The following UBA1 variants were observed in gnomAD, a reference collection of about 807,000 sequenced individuals.
UBA1 encodes ubiquitin like modifier activating enzyme 1.
In UBA1, 4 loss-of-function variants were observed where a neutral mutation model predicts 84.7. That is an observed-to-expected ratio of 0.05 (90% CI 0.02 to 0.11). The LOEUF is 0.11. UBA1 is among the 10% of genes least tolerant of loss of function. The pLI is 1.00. For synonymous variants in UBA1, 364 were observed against 362.6 expected (o/e 1.00, Z -0.04); for missense variants, 513 against 902.8 (o/e 0.57, Z 5.53).
rs781926093 is a variant in UBA1, at chrX:47,202,571, C to G, written c.1056+67C>G. 15 of 1,204,518 alleles carry G rather than the reference C, an allele frequency of 1.2e-5. No homozygotes were observed. In the African/African-American group the frequency reaches 2.1e-4, roughly 17 times the overall value. ...ACTGCAGGCTCACCATGCCTCTCTGCGTGTCCACACTCCCTGCCCTCACTG... is the reference window on the plus strand; with the variant it reads ...ACTGCAGGCTCACCATGCCTCTCTGGGTGTCCACACTCCCTGCCCTCACTG... On this transcript the variant is annotated intron_variant, in intron 10 of 25. Coordinates refer to ENST00000335972, the MANE Select transcript of UBA1 (RefSeq NM_003334.4).
intron 1 of UBA1, chrX:47,197,656 G>C (rs1556785904): frequency 6.7e-6 from 5 of 743,876 alleles, no homozygotes; most frequent in Non-Finnish European, 7.9e-6. Flanking sequence ...CCTAGCAGGT[G>C]ACCCTGGGCA....
intron 1 of UBA1, chrX:47,197,521 G>T: frequency 1.3e-6 from 1 of 754,579 alleles, no homozygotes; most frequent in Non-Finnish European, 1.6e-6. Flanking sequence ...AAGACTCAGT[G>T]CCTAGAGGAG....
At chrX:47,209,074 G>C (rs920301236) in intron 16 of UBA1, 2 of 135,726 alleles carry the variant, frequency 1.5e-5, no homozygotes, top group East Asian at 4.4e-4. Context: ...TCGGGTGACA[G>C]TGTGAGACTT....
At position 47,201,310 on chromosome X, in the gene UBA1, C is replaced by T; in HGVS notation, c.622C>T (p.Leu208Phe). The T allele has an allele frequency of 8.3e-7, 1 of 1,209,458 alleles. No homozygotes were observed. The highest frequency in any genetic ancestry group is 1.8e-5 in the South Asian group (1 of 56,359). The change falls in exon 7 of 26, where the codon CTC (leucine) becomes TTC (phenylalanine). Residue 208 changes from leucine (L) to phenylalanine (F), a missense_variant. By Grantham distance (22) the Leu-to-Phe change is conservative. Coordinates refer to ENST00000335972, the MANE Select transcript of UBA1 (RefSeq NM_003334.4). ...LFCDFGEEMI[L>F]TDSNGEQPLS... is the part of the protein sequence containing the mutation. The stretch of plus-strand genomic sequence containing the variant: ...CTGTGACTTTGGAGAGGAAATGATC[C>T]TCACAGATTCCAATGGGGAGCAGCC...
At position 47,213,091 on chromosome X, in the gene UBA1, C is replaced by A. The variant is rs1936994742; in HGVS notation, c.2748C>A (p.His916Gln). The A allele has an allele frequency of 8.3e-7, 1 of 1,212,022 alleles. No individual in the cohort carries two copies. Among genetic ancestry groups the A allele is most frequent in the East Asian group, 3.0e-5 (1 of 33,867 alleles). ...AGCTGTACAAGGTTGTGCAGGGGCACCGACAGCTTGACTCCTACAAGAATG... is the reference window on the plus strand; with the variant it reads ...AGCTGTACAAGGTTGTGCAGGGGCAACGACAGCTTGACTCCTACAAGAATG... ...CLELYKVVQG[H>Q]RQLDSYKNGF... Residue 916 changes from histidine (H) to glutamine (Q), a missense_variant, in exon 23 of 26, where the codon CAC (histidine) becomes CAA (glutamine). This residue lies in a region of UBA1 where 151 missense variants were observed against 260.1 expected (regional missense o/e 0.58). Coordinates refer to ENST00000335972, the MANE Select transcript of UBA1 (RefSeq NM_003334.4).
Position 47,206,005 on chromosome X carries a change from G to T in UBA1, c.1633G>T (p.Val545Leu). 8.3e-7 allele frequency: 1 copy of T among 1,205,481 alleles called. No individual in the cohort carries two copies. Among genetic ancestry groups the T allele is most frequent in the Non-Finnish European group, 1.1e-6 (1 of 892,275 alleles). ...GCGCCAAATGAATCCACATATCCGG[G>T]TGACAAGCCACCAGAACCGTGTGGG... Reference protein sequence around the residue: ...AVRQMNPHIRVTSHQNRVGPD... With the variant: ...AVRQMNPHIRLTSHQNRVGPD... The change falls in exon 15 of 26, where the codon GTG (valine) becomes TTG (leucine). Residue 545 changes from valine (V) to leucine (L), a missense_variant. Physicochemically the swap from Val to Leu is conservative, Grantham distance 32. Coordinates refer to ENST00000335972, the MANE Select transcript of UBA1 (RefSeq NM_003334.4).
At chrX:47,203,724 G>A in intron 14 of UBA1, 28 bp downstream of exon 14, 2 of 1,164,366 alleles carry the variant, frequency 1.7e-6, no homozygotes, top group South Asian at 3.8e-5. Context: ...TTGGGGCTTT[G>A]TCGTCTCACT....
chrX:47,209,792 A>G (rs1365691066), intron 17 of UBA1, 105 bp downstream of exon 17: 5 of 1,074,179 alleles, frequency 4.7e-6, no homozygotes, highest in South Asian at 1.9e-5. Flanking sequence ...CACTTTTCAC[A>G]TGAATGAGTG....
At chrX:47,199,027 G>A in intron 2 of UBA1, 21 bp from the exon 3 acceptor site, 1 of 1,211,952 alleles carries the variant, frequency 8.3e-7, no homozygotes, top group Non-Finnish European at 1.1e-6. Flanking sequence ...CCCTAAACTT[G>A]TTCTTTTCCT....
intron 18 of UBA1, 130 bp from the exon 19 acceptor site, chrX:47,210,712 C>T (rs1242451681): frequency 1.6e-5 from 10 of 633,546 alleles, no homozygotes; most frequent in Non-Finnish European, 2.5e-5. Flanking sequence ...GTGATTGGCT[C>T]CAGTCCGCAT....
At chrX:47,208,726 A>G (rs1176097328) in intron 16 of UBA1, 1 of 105,301 alleles carries the variant, frequency 9.5e-6, no homozygotes, top group Non-Finnish European at 1.9e-5. Context: ...GGTTCAAGCG[A>G]TTCTCCTGCC....
chrX:47,198,016 G>A, intron 1 of UBA1: 1 of 890,567 alleles, frequency 1.1e-6, no homozygotes, highest in Non-Finnish European at 1.4e-6. Flanking sequence ...ACCTGTTTAA[G>A]GGACTCCGCA....
chrX:47,195,957 C>T (rs1283352825), intron 1 of UBA1, among the ~76,000 whole-genome samples: 1 of 110,893 alleles, frequency 9.0e-6, no homozygotes, highest in Non-Finnish European at 1.9e-5. Flanking sequence ...CCTCCAGAGC[C>T]TCAACATCCT....
chrX:47,212,397 G>T (rs782062103), intron 20 of UBA1, 27 bp from the exon 21 acceptor site: 2 of 1,125,229 alleles, frequency 1.8e-6, no homozygotes, highest in East Asian at 6.0e-5. Flanking sequence ...GATCTAAAGG[G>T]CTGACAGTGT....
At chrX:47,208,290 TGTAAGTGTCTGTGTGTAC>T (rs1386963143) in intron 16 of UBA1, among the ~76,000 whole-genome samples, 2 of 108,701 alleles carry the variant, frequency 1.8e-5, no homozygotes, top group African/African-American at 6.8e-5. Context: ...TGTGTGTGTG[TGTAAGTGTCTGTGTGTAC>T]GTGTAAGTGT....
At chrX:47,197,081 A>C (rs1602621529) in intron 1 of UBA1, 1 of 752,994 alleles carries the variant, frequency 1.3e-6, no homozygotes, top group Non-Finnish European at 1.6e-6. Flanking sequence ...CTACTAACTC[A>C]CCAAGCCTCT....
In UBA1 at chrX:47,213,093, G is replaced by T. The variant is rs782409785; in HGVS notation, c.2750G>T (p.Arg917Leu). Residue 917 changes from arginine to leucine, a missense_variant, in exon 23 of 26, where the codon CGA (arginine) becomes CTA (leucine). Transcript: ENST00000335972. ...CTGTACAAGGTTGTGCAGGGGCACC[G>T]ACAGCTTGACTCCTACAAGAATGGT... ...LELYKVVQGH[R>L]QLDSYKNGFL... 2.5e-6 allele frequency: 3 copies of T among 1,211,902 alleles called. No individual in the cohort carries two copies. Among genetic ancestry groups the T allele is most frequent in the Non-Finnish European group, 3.3e-6 (3 of 895,547 alleles).
chrX:47,211,060 G>A lies in UBA1; in HGVS notation c.2299G>A (p.Ala767Thr), dbSNP rs187589555. Residue 767 changes from alanine (A) to threonine (T), a missense_variant, in exon 20 of 26, where the codon GCT becomes ACT. Ala to Thr is a moderately conservative substitution (Grantham distance 58). This residue lies in a region of UBA1 where 151 missense variants were observed against 260.1 expected (regional missense o/e 0.58). Transcript: ENST00000335972. ...GCCCCTGCATCTGGACTATGTGATG[G>A]CTGCTGCCAACCTGTTTGCCCAGAC... is the stretch of plus-strand genomic sequence containing the variant. ...NNPLHLDYVMAAANLFAQTYG... is the reference protein window; with the variant it reads ...NNPLHLDYVMTAANLFAQTYG... 52 of 1,209,933 alleles carry A rather than the reference G, an allele frequency of 4.3e-5. 1 individual carries two copies. The Admixed American group carries it at 7.6e-4, about 18-fold the overall frequency.
At chrX:47,203,723 T>C in intron 14 of UBA1, 27 bp downstream of exon 14, 1 of 1,185,004 alleles carries the variant, frequency 8.4e-7, no homozygotes, top group Non-Finnish European at 1.1e-6. Flanking sequence ...GTTGGGGCTT[T>C]GTCGTCTCAC....
Sources: gnomAD v4.1 joint callset for allele counts (sites outside exome capture counted in the v4.1 genomes callset) on GRCh38, gnomAD v4.1.1 for gene constraint, gnomAD v4.1.1 regional missense constraint, MANE v1.5 for transcripts, NCBI Gene and HGNC (gene_info 2026-07-23, HGNC 2026-07-21) for gene names.